SIRT7: variants seen among roughly 807,000 people sequenced by gnomAD.
SIRT7 encodes the protein sirtuin 7, also known as NAD-dependent protein deacetylase sirtuin-7.
SIRT7 carries 32 observed loss-of-function variants against 42.8 expected under a neutral mutation model. That is an observed-to-expected ratio of 0.75 (90% confidence interval 0.56 to 1.00). The LOEUF (loss-of-function observed/expected upper bound fraction) is 1.00. Ranked by LOEUF, SIRT7 falls within the 50% of genes least tolerant of loss-of-function variation. The probability of loss-of-function intolerance (pLI) is 0.00; values close to 1 mark genes in which losing one functional copy is unlikely to be tolerated. For synonymous variants in SIRT7, 297 were observed against 245.2 expected (o/e 1.21, Z -1.97); for missense variants, 553 against 572.2 (o/e 0.97, Z 0.34).
In SIRT7 at chr17:81,912,119, G is replaced by A. The variant is rs2143771014; in HGVS notation, c.*297C>T. The A allele has an allele frequency of 2.1e-6, 1 of 475,698 alleles. No individual in the cohort carries two copies. Among genetic ancestry groups the A allele is most frequent in the East Asian group, 4.3e-5 (1 of 23,512 alleles). The allele number at this position is 475,698 out of a possible 1,614,324, so 29.5% of individuals were successfully genotyped here. On this transcript the variant is annotated 3_prime_UTR_variant, in exon 10 of 10. Coordinates refer to ENST00000328666, the MANE Select transcript of SIRT7 (RefSeq NM_016538.3). ...CCTGGTGAGCGAGGAAAGGCCGCTGGGCGCTTCCACTCTGCAGGCCGGGGC... is the reference window on the plus strand; with the variant it reads ...CCTGGTGAGCGAGGAAAGGCCGCTGAGCGCTTCCACTCTGCAGGCCGGGGC...
intron 3 of SIRT7, chr17:81,917,327 T>C (rs2040823170): frequency 3.1e-6 from 1 of 323,308 alleles, no homozygotes; most frequent in Admixed American, 4.9e-5. Flanking sequence ...TCCCTCGACA[T>C]GGACAGAACA....
intron 3 of SIRT7, chr17:81,916,107 C>T: frequency 4.3e-6 from 1 of 230,052 alleles, no homozygotes; most frequent in South Asian, 6.0e-5. Flanking sequence ...ACTGTCCATT[C>T]TCATGTCCCA....
chr17:81,914,096 CA>C lies in SIRT7; in HGVS notation c.887del (p.Val296GlyfsTer14). On this transcript the variant is annotated frameshift_variant, in exon 8 of 10. Coordinates refer to ENST00000328666, the MANE Select transcript of SIRT7 (RefSeq NM_016538.3). LOFTEE classifies it high-confidence loss of function. ...TCAGCACCCGAGTTACCTGCAGGTT[CA>C]CGATGTAAAGCTTCGGCCGCCGGCT... is the stretch of plus-strand genomic sequence containing the variant. ...PPSRRPKLYI[V>X]NLQWTPKDDW... The C allele has an allele frequency of 6.2e-7, 1 of 1,613,510 alleles. No homozygotes were observed. Among genetic ancestry groups the C allele is most frequent in the Non-Finnish European group, 8.5e-7 (1 of 1,180,014 alleles).
intron 9 of SIRT7, chr17:81,912,970 T>G: frequency 2.5e-6 from 1 of 392,650 alleles, no homozygotes; most frequent in East Asian, 6.2e-5. Flanking sequence ...GGGCCCCACC[T>G]TCCACTTGTA....
At chr17:81,912,704 G>T in intron 9 of SIRT7, 90 bp from the exon 10 acceptor site, 1 of 1,372,474 alleles carries the variant, frequency 7.3e-7, no homozygotes, top group South Asian at 1.2e-5. Context: ...TGCGGTCCCT[G>T]CCTTCCCATC....
rs758634203 is a variant in SIRT7, at chr17:81,918,116, G to C, written c.16C>G (p.Leu6Val). Residue 6 changes from leucine (L) to valine (V), a missense_variant, in exon 1 of 10, where the codon CTG (leucine) becomes GTG (valine). Coordinates refer to ENST00000328666, the MANE Select transcript of SIRT7 (RefSeq NM_016538.3). MAAGG[L>V]SRSERKAAER... ...GCCGCTTTGCGCTCGGAGCGGCTCA[G>C]ACCCCCGGCTGCCATCGCTCCCCTG... 5 of 1,553,184 alleles carry C rather than the reference G, an allele frequency of 3.2e-6. No homozygotes were observed. The East Asian group carries it at 7.6e-5, about 24-fold the overall frequency.
In SIRT7 at chr17:81,913,102, T is replaced by TTAAG. The variant is rs1312266262; in HGVS notation, c.1005-492_1005-489dup. 2.8e-6 allele frequency: 1 copy of TTAAG among 356,024 alleles called. No homozygotes were observed. Among genetic ancestry groups the TTAAG allele is most frequent in the East Asian group, 7.8e-5 (1 of 12,812 alleles). 22.1% of individuals were successfully genotyped at this position (356,024 alleles called of 1,614,324 possible). Reference sequence around the variant, plus strand: ...GAGATGCAGAACCACAGATCATAACTTAAGATACAGATACGCACTGATAAG... The same window carrying TTAAG: ...GAGATGCAGAACCACAGATCATAACTTAAGTAAGATACAGATACGCACTGATAAG... On this transcript the variant is annotated intron_variant, in intron 9 of 9. Coordinates refer to ENST00000328666, the MANE Select transcript of SIRT7 (RefSeq NM_016538.3). The surrounding 1 kb of genome is among the most constrained non-coding windows in gnomAD (Gnocchi z 5.0).
Position 81,914,092 on chromosome 17 carries a change from G to A in SIRT7, c.892C>T (p.Leu298=). The A allele has an allele frequency of 1.9e-6, 3 of 1,613,516 alleles. No homozygotes were observed. Among genetic ancestry groups the A allele is most frequent in the South Asian group, 2.2e-5 (2 of 91,086 alleles). ...GCTCTCAGCACCCGAGTTACCTGCA[G>A]GTTCACGATGTAAAGCTTCGGCCGC... The part of the protein sequence containing the change: ...SRRPKLYIVN[L]QWTPKDDWAA... Residue 298 remains leucine, a synonymous_variant, in exon 8 of 10, where the codon CTG becomes TTG. Transcript: ENST00000328666.
rs894227753 is a variant in SIRT7 at position 81,915,208 on chromosome 17, A to G, written c.480+232T>C. ...GGAATCACAAAGGGGAAAGGCCACCAGCAGCTCTGAGGCTGAGGCTGGCTG... is the reference window on the plus strand; with the variant it reads ...GGAATCACAAAGGGGAAAGGCCACCGGCAGCTCTGAGGCTGAGGCTGGCTG... On this transcript the variant is annotated intron_variant, in intron 5 of 9. Coordinates refer to ENST00000328666, the MANE Select transcript of SIRT7 (RefSeq NM_016538.3). The G allele has an allele frequency of 6.8e-6, 4 of 590,214 alleles. No individual in the cohort carries two copies. In the African/African-American group the frequency reaches 7.5e-5, roughly 11 times the overall value. The allele number at this position is 590,214 out of a possible 1,614,324, so 36.6% of individuals were successfully genotyped here.
At chr17:81,914,837 G>A (rs2143786606) in intron 5 of SIRT7, 135 bp from the exon 6 acceptor site, 1 of 694,674 alleles carries the variant, frequency 1.4e-6, no homozygotes, top group South Asian at 1.6e-5. Context: ...TCCCCCCAGA[G>A]AGCCTTAGAA....
rs1254260261 is a variant in SIRT7 at position 81,912,603 on chromosome 17, G to A, written c.1016C>T (p.Pro339Leu). 1 of 1,613,014 alleles carries A rather than the reference G, an allele frequency of 6.2e-7. No individual in the cohort carries two copies. The highest frequency in any genetic ancestry group is 2.2e-5 in the East Asian group (1 of 44,888). Reference protein sequence around the residue: ...EIPAYSRWQDPIFSLATPLRA... With the variant: ...EIPAYSRWQDLIFSLATPLRA... The stretch of plus-strand genomic sequence containing the variant: ...CAGGGGAGTCGCCAGTGAGAAAATG[G>A]GATCCTGCCACCTGCCAAAAAGGGA... The change falls in exon 10 of 10, where the codon CCC (proline) becomes CTC (leucine). Residue 339 changes from proline (P) to leucine (L), a missense_variant. Coordinates refer to ENST00000328666, the MANE Select transcript of SIRT7 (RefSeq NM_016538.3).
At chr17:81,917,758 C>G in intron 2 of SIRT7, 39 bp from the exon 3 acceptor site, 1 of 1,469,892 alleles carries the variant, frequency 6.8e-7, no homozygotes, top group Non-Finnish European at 9.0e-7. Flanking sequence ...CCGGGCCGCC[C>G]CACCCGGGAC....
intron 9 of SIRT7, 68 bp from the exon 10 acceptor site, chr17:81,912,682 G>A (rs1206474200): frequency 5.9e-6 from 9 of 1,520,080 alleles, no homozygotes; most frequent in South Asian, 1.2e-5. Context: ...GCCCCAGCTC[G>A]GGAAAGCTGT....
At position 81,918,102 on chromosome 17, in the gene SIRT7, C is replaced by A. The variant is rs760658546; in HGVS notation, c.30G>T (p.Glu10Asp). 2.6e-6 allele frequency: 4 copies of A among 1,551,786 alleles called. No homozygotes were observed. Among genetic ancestry groups the A allele is most frequent in the East Asian group, 2.6e-5 (1 of 38,982 alleles). The change falls in exon 1 of 10, where the codon GAG becomes GAT. Residue 10 changes from glutamate (E) to aspartate (D), a missense_variant. Transcript: ENST00000328666. MAAGGLSRS[E>D]RKAAERVRRL... ...TCCGGACCCGCTCCGCCGCTTTGCG[C>A]TCGGAGCGGCTCAGACCCCCGGCTG...
Position 81,913,495 on chromosome 17 carries a change from G to C in SIRT7, c.1004+279C>G, listed in dbSNP as rs548300317. The stretch of plus-strand genomic sequence containing the variant: ...CCAGATGCTTCCCACCAGGCATCTC[G>C]GAGAGCTCCACGGGGAGGCCTGGAG... On this transcript the variant is annotated intron_variant, in intron 9 of 9. Transcript: ENST00000328666. This position sits in a 1 kb window ranked among gnomAD's most constrained non-coding sequence, Gnocchi z 5.0. 2 of 466,734 alleles carry C rather than the reference G, an allele frequency of 4.3e-6. No homozygotes were observed. The highest frequency in any genetic ancestry group is 2.0e-5 in the African/African-American group (1 of 50,442). The allele number at this position is 466,734 out of a possible 1,614,324, so 28.9% of individuals were successfully genotyped here.
chr17:81,914,396 G>A lies in SIRT7; in HGVS notation c.714C>T (p.His238=), dbSNP rs749433627. The A allele has an allele frequency of 5.6e-6, 9 of 1,613,060 alleles. No individual in the cohort carries two copies. The highest frequency in any genetic ancestry group is 1.3e-5 in the African/African-American group (1 of 74,914). Residue 238 remains histidine, a synonymous_variant, in exon 7 of 10, where the codon CAC becomes CAT. Coordinates refer to ENST00000328666, the MANE Select transcript of SIRT7 (RefSeq NM_016538.3). ...CGTQLRDTIV[H]FGERGTLGQP... is the part of the protein sequence containing the mutation. ...GCCCCAACGTCCCCCTCTCCCCAAA[G>A]TGCACAATGGTGTCCCGCAGCTGGG...
Position 81,917,523 on chromosome 17 carries a change from G to GA in SIRT7, c.336+91dup. ...TTTTGGTCATTTCGTTTCTTTAAGA[G>GA]AAAAAACCTTAGAGCTGCTTTAAAG... is the stretch of plus-strand genomic sequence containing the variant. On this transcript the variant is annotated intron_variant, in intron 3 of 9. Coordinates refer to ENST00000328666, the MANE Select transcript of SIRT7 (RefSeq NM_016538.3). 6.1e-6 allele frequency: 7 copies of GA among 1,146,530 alleles called. No individual in the cohort carries two copies. In the South Asian group the frequency reaches 1.5e-4, roughly 25 times the overall value. 71.0% of individuals were successfully genotyped at this position (1,146,530 alleles called of 1,614,324 possible).
rs1432541520 is a variant in SIRT7 at position 81,917,683 on chromosome 17, G to C, written c.268C>G (p.Arg90Gly). Residue 90 changes from arginine (R) to glycine (G), a missense_variant, in exon 3 of 10, where the codon CGG (arginine) becomes GGG (glycine). Physicochemically the swap from Arg to Gly is moderately radical, Grantham distance 125 (BLOSUM62 -2). Coordinates refer to ENST00000328666, the MANE Select transcript of SIRT7 (RefSeq NM_016538.3). ...TTCCGGACGGCGCTGGCCAGCTCCC[G>C]GACCTTCCCCCGCAGCTCCTCCGGG... ...DDPEELRGKV[R>G]ELASAVRNAK... 1.2e-6 allele frequency: 2 copies of C among 1,605,054 alleles called. No individual in the cohort carries two copies. The highest frequency in any genetic ancestry group is 1.3e-5 in the African/African-American group (1 of 74,398).
In SIRT7 at chr17:81,917,638, AGAC is replaced by A; in HGVS notation, c.310_312del (p.Val104del). ...ACCGTGCTGATTCCCGCGCCTGTGT[AGAC>A]GACCAAGTATTTGGCGTTCCGGACG... On this transcript the variant is annotated inframe_deletion, in exon 3 of 10. Coordinates refer to ENST00000328666, the MANE Select transcript of SIRT7 (RefSeq NM_016538.3). The A allele has an allele frequency of 1.2e-6, 2 of 1,607,902 alleles. No homozygotes were observed. Among genetic ancestry groups the A allele is most frequent in the Non-Finnish European group, 1.7e-6 (2 of 1,177,380 alleles).
Sources: gnomAD v4.1 joint callset for allele counts on GRCh38, gnomAD v4.1.1 for gene constraint, Gnocchi (gnomAD v3.1) non-coding constraint, MANE v1.5 for transcripts, NCBI Gene and HGNC (gene_info 2026-07-23, HGNC 2026-07-21) for gene names.